HSD17B13: variants seen among roughly 807,000 people sequenced by gnomAD.
HSD17B13 encodes the protein hydroxysteroid 17-beta dehydrogenase 13.
A neutral mutation model predicts 31.1 loss-of-function variants in HSD17B13; 26 were observed. The ratio of observed to expected loss-of-function variants is 0.84; its 90% CI spans 0.61 to 1.16. HSD17B13 has a LOEUF of 1.16. Ranked by LOEUF, HSD17B13 falls within the 50% of genes most tolerant of loss-of-function variation. The pLI, the probability that HSD17B13 is intolerant of heterozygous loss-of-function variation, is 0.00. For missense variants in HSD17B13, 374 were observed against 366.5 expected, an observed-to-expected ratio of 1.02 and a Z score of -0.17; for synonymous variants, 141 against 133.7, an observed-to-expected ratio of 1.05 and a Z score of -0.38.
intron 1 of HSD17B13, among the ~76,000 whole-genome samples, chr4:87,320,145 C>T (rs984496607): frequency 6.6e-6 from 1 of 152,102 alleles, no homozygotes; most frequent in African/African-American, 2.4e-5. Context: ...CTGAACTCCC[C>T]AAACATGGAT....
At chr4:87,320,808 A>G (rs1734769657) in intron 1 of HSD17B13, among the ~76,000 whole-genome samples, 1 of 152,226 alleles carries the variant, frequency 6.6e-6, no homozygotes, top group South Asian at 2.1e-4. Flanking sequence ...TCCCAACGCA[A>G]CAGTTTAGAT....
Position 87,307,398 on chromosome 4 carries a change from CA to C in HSD17B13, c.813-2091del, listed in dbSNP as rs1734413418. On this transcript the variant is annotated intron_variant, in intron 6 of 6. Transcript: ENST00000328546. ...TATGCATGTATATGCATGTAATTTT[CA>C]ATATTAATATGACTTGCTTTGGGCC... Among the ~76,000 whole-genome samples the C allele has an allele frequency of 4.6e-5, 7 of 152,202 alleles. No individual in the cohort carries two copies. The South Asian group carries it at 1.5e-3, about 32-fold the overall frequency.
chr4:87,309,839 T>G (rs1397138486), intron 6 of HSD17B13, among the ~76,000 whole-genome samples: 1 of 152,102 alleles, frequency 6.6e-6, no homozygotes, highest in Admixed American at 6.5e-5. Context: ...CATGCCAATT[T>G]TCACAACTGA....
At chr4:87,308,021 A>ACTATT (rs1734431020) in intron 6 of HSD17B13, among the ~76,000 whole-genome samples, 3 of 152,328 alleles carry the variant, frequency 2.0e-5, no homozygotes, top group Admixed American at 2.0e-4. Flanking sequence ...TCTCACTGAT[A>ACTATT]CAATTTCAAT....
intron 5 of HSD17B13, among the ~76,000 whole-genome samples, chr4:87,312,643 C>T (rs1381162146): frequency 6.7e-6 from 1 of 150,208 alleles, no homozygotes; most frequent in Non-Finnish European, 1.5e-5. Context: ...CATTCTCCTG[C>T]CTCAGCCTCC....
At chr4:87,315,412 C>G (rs1734629214) in intron 4 of HSD17B13, 81 bp downstream of exon 4, 2 of 685,764 alleles carry the variant, frequency 2.9e-6, no homozygotes, top group African/African-American at 1.8e-5. Flanking sequence ...AGAACCAGGA[C>G]TCTCCAGTGG....
At chr4:87,314,239 G>A (rs1457910941) in intron 4 of HSD17B13, among the ~76,000 whole-genome samples, 1 of 151,772 alleles carries the variant, frequency 6.6e-6, no homozygotes, top group Non-Finnish European at 1.5e-5. Flanking sequence ...TACATGTAAG[G>A]TTTTTCCATT....
Position 87,313,962 on chromosome 4 carries a change from T to G in HSD17B13, c.558-2A>C. 6.5e-7 allele frequency: 1 copy of G among 1,547,964 alleles called. No homozygotes were observed. The highest frequency in any genetic ancestry group is 8.7e-7 in the Non-Finnish European group (1 of 1,148,212). ...CCAACAGCGGCAAATTTGCTGGAAC[T>G]GTAAGAGAATTATTAAGCATTGTTA... On this transcript the variant is annotated splice_acceptor_variant, in intron 4 of 6. Coordinates refer to ENST00000328546, the MANE Select transcript of HSD17B13 (RefSeq NM_178135.5). LOFTEE classifies it high-confidence loss of function.
At chr4:87,316,073 A>G (rs1201327332) in intron 3 of HSD17B13, among the ~76,000 whole-genome samples, 1 of 152,238 alleles carries the variant, frequency 6.6e-6, no homozygotes, top group Non-Finnish European at 1.5e-5. Context: ...TGAATTCACT[A>G]TCTCCCTATT....
rs1553955737 is a variant in HSD17B13, at chr4:87,310,240, T to TG, written c.812+2_812+3insC. 1 of 1,560,466 alleles carries TG rather than the reference T, an allele frequency of 6.4e-7. No individual in the cohort carries two copies. Among genetic ancestry groups the TG allele is most frequent in the Non-Finnish European group, 8.6e-7 (1 of 1,161,900 alleles). On this transcript the variant is annotated splice_region_variant and intron_variant, in intron 6 of 6. Coordinates refer to ENST00000328546, the MANE Select transcript of HSD17B13 (RefSeq NM_178135.5). ...GTATTTGGGTGTTCTGTGCTGTACT[T>TG]ACTTCTGTAGTCTCAGAAAGATATT...
intron 5 of HSD17B13, among the ~76,000 whole-genome samples, chr4:87,310,892 G>A (rs140625099): frequency 1.3e-3 from 205 of 152,278 alleles, no homozygotes; most frequent in African/African-American, 4.8e-3. Context: ...TGCATTCCCA[G>A]GAAGTTAAGG....
chr4:87,316,989 G>GA (rs1483621806), intron 3 of HSD17B13, 103 bp downstream of exon 3: 1 of 1,153,780 alleles, frequency 8.7e-7, no homozygotes, highest in African/African-American at 1.5e-5. Context: ...TTAAGGCAAA[G>GA]ATCTGGCCAG....
chr4:87,320,638 C>G (rs1734765545), intron 1 of HSD17B13, among the ~76,000 whole-genome samples: 1 of 152,122 alleles, frequency 6.6e-6, no homozygotes, highest in South Asian at 2.1e-4. Flanking sequence ...CCGCCCGTCT[C>G]GGCCTCCCAA....
rs1190371608 is a variant in HSD17B13, at chr4:87,304,728, T to C, written c.*490A>G. On this transcript the variant is annotated 3_prime_UTR_variant, in exon 7 of 7. Transcript: ENST00000328546. ...GAAGAGGCTAGGGAAATCTTTCAAA[T>C]GCTGAATCTTAAAATATGTCCAGGT... 1 of 152,242 alleles carries C rather than the reference T, an allele frequency of 6.6e-6. No homozygotes were observed. Among genetic ancestry groups the C allele is most frequent in the Admixed American group, 6.5e-5 (1 of 15,270 alleles). 9.4% of individuals were successfully genotyped at this position (152,242 alleles called of 1,614,324 possible).
intron 2 of HSD17B13, among the ~76,000 whole-genome samples, chr4:87,317,766 T>C (rs1481198759): frequency 2.5e-4 from 38 of 151,932 alleles, no homozygotes; most frequent in Non-Finnish European, 8.8e-5. Context: ...GACCTGGGTC[T>C]GGCTTAACCT....
At position 87,312,999 on chromosome 4, in the gene HSD17B13, G is replaced by T. The variant is rs577597642; in HGVS notation, c.695+824C>A. Among the ~76,000 whole-genome samples the T allele has an allele frequency of 3.9e-5, 6 of 151,990 alleles. No individual in the cohort carries two copies. The South Asian group carries it at 1.3e-3, about 32-fold the overall frequency. On this transcript the variant is annotated intron_variant, in intron 5 of 6. Transcript: ENST00000328546. ...GCTTGAACCCAGAAAGGCGGAGGTTGCGGTGAGCTGAGATCGCGCCACTGT... is the reference window on the plus strand; with the variant it reads ...GCTTGAACCCAGAAAGGCGGAGGTTTCGGTGAGCTGAGATCGCGCCACTGT...
Position 87,313,889 on chromosome 4 carries a change from C to A in HSD17B13, c.629G>T (p.Gly210Val), listed in dbSNP as rs570425723. Residue 210 changes from glycine to valine, a missense_variant, in exon 5 of 7, where the codon GGT (glycine) becomes GTT (valine). Physicochemically the swap from Gly to Val is moderately radical, Grantham distance 109. Transcript: ENST00000328546. ...TSELQALGKT[G>V]IKTSCLCPVF... ...TGGGCAGAGACATGAGGTTTTGATA[C>A]CAGTTTTTCCCAAGGCCTGAAGTTC... 5 of 1,609,716 alleles carry A rather than the reference C, an allele frequency of 3.1e-6. No individual in the cohort carries two copies. The highest frequency in any genetic ancestry group is 3.4e-5 in the Admixed American group (2 of 59,280).
intron 5 of HSD17B13, among the ~76,000 whole-genome samples, chr4:87,312,985 GA>G (rs200597363): frequency 0.058 from 8,811 of 151,766 alleles, 816 homozygotes; most frequent in African/African-American, 0.2. Context: ...CTTGAACCCA[GA>G]AAGGCGGAGG....
At chr4:87,320,543 C>T (rs1468556065) in intron 1 of HSD17B13, among the ~76,000 whole-genome samples, 4 of 151,994 alleles carry the variant, frequency 2.6e-5, no homozygotes, top group African/African-American at 9.7e-5. Flanking sequence ...CCCGCCACTA[C>T]GCCTGGCTAA....
Sources: allele counts gnomAD v4.1 joint callset (sites outside exome capture counted in the v4.1 genomes callset), GRCh38; gene constraint gnomAD v4.1.1; transcripts MANE v1.5; gene names NCBI Gene and HGNC (gene_info 2026-07-23, HGNC 2026-07-21).